MFSD2A: variants seen among roughly 807,000 people sequenced by gnomAD.
The protein encoded by MFSD2A is MFSD2 lysolipid transporter A, lysophospholipid.
MFSD2A carries 27 observed loss-of-function variants against 64.7 expected under a neutral mutation model. The observed-to-expected ratio is 0.42, with a 90% CI of 0.31 to 0.58. MFSD2A has a LOEUF of 0.58. Ranked by LOEUF, MFSD2A falls within the 20% of genes least tolerant of loss-of-function variation. MFSD2A has a pLI of 0.18. For missense variants in MFSD2A, 474 were observed against 679.5 expected (o/e 0.70, Z 3.36); for synonymous variants, 258 against 273.4 (o/e 0.94, Z 0.55).
At chr1:39,962,622 C>A (rs750105556) in intron 3 of MFSD2A, 3 of 823,906 alleles carry the variant, frequency 3.6e-6, no homozygotes, top group Non-Finnish European at 6.0e-6. Flanking sequence ...TGGTGCCTTC[C>A]GCGGAGGTTT....
chr1:39,956,940 AAAAAAG>A, intron 1 of MFSD2A, 141 bp from the exon 2 acceptor site: 2 of 699,468 alleles, frequency 2.9e-6, no homozygotes, highest in Admixed American at 2.8e-5. Context: ...AAAAAAAAAA[AAAAAAG>A]GTGGGATCTC....
In MFSD2A at chr1:39,965,741, C is replaced by T; in HGVS notation, c.557-116C>T. 1 of 1,383,918 alleles carries T rather than the reference C, an allele frequency of 7.2e-7. No individual in the cohort carries two copies. The highest frequency in any genetic ancestry group is 1.3e-5 in the South Asian group (1 of 77,054). The allele number at this position is 1,383,918 out of a possible 1,614,324, so 85.7% of individuals were successfully genotyped here. A position where few individuals can be genotyped will look rare whatever the true frequency, so the allele number is the denominator to read the frequency against. The stretch of plus-strand genomic sequence containing the variant: ...CGTTCAAACCAAGGTGTCACCTACC[C>T]CACTACCTCTACCCACCCTGCCTGG... On this transcript the variant is annotated intron_variant, in intron 5 of 13. Coordinates refer to ENST00000372811, the MANE Select transcript of MFSD2A (RefSeq NM_032793.5). This position sits in a 1 kb window ranked among gnomAD's most constrained non-coding sequence, Gnocchi z 5.5.
At position 39,968,592 on chromosome 1, in the gene MFSD2A, G is replaced by T. The variant is rs751030147; in HGVS notation, c.1376G>T (p.Gly459Val). 1 of 1,614,196 alleles carries T rather than the reference G, an allele frequency of 6.2e-7. No homozygotes were observed. Among genetic ancestry groups the T allele is most frequent in the Non-Finnish European group, 8.5e-7 (1 of 1,180,032 alleles). ...SLDFAGYQTRGCSQPERVKFT... is the reference protein window; with the variant it reads ...SLDFAGYQTRVCSQPERVKFT... ...AGCTTTGCAGGGTACCAGACCCGTG[G>T]CTGCTCGCAGCCGGAACGTGTCAAG... is the stretch of plus-strand genomic sequence containing the variant. The change falls in exon 13 of 14, where the codon GGC becomes GTC. Residue 459 changes from glycine to valine, a missense_variant. Transcript: ENST00000372811. This position sits in a 1 kb window ranked among gnomAD's most constrained non-coding sequence, Gnocchi z 4.4.
In MFSD2A at chr1:39,964,598, AC is replaced by A; in HGVS notation, c.354-612del. ...GCCCACCTGGGCCTTCAACTCCTTC[AC>A]TTGGAGCTGGCCTCTCCCCATCATG... On this transcript the variant is annotated intron_variant, in intron 3 of 13. Coordinates refer to ENST00000372811, the MANE Select transcript of MFSD2A (RefSeq NM_032793.5). This position sits in a 1 kb window ranked among gnomAD's most constrained non-coding sequence, Gnocchi z 4.1. The A allele has an allele frequency of 6.5e-6, 1 of 152,868 alleles. No homozygotes were observed. The allele number at this position is 152,868 out of a possible 1,614,324, so 9.5% of individuals were successfully genotyped here.
In MFSD2A at chr1:39,965,865, G is replaced by A. The variant is rs1006494719; in HGVS notation, c.565G>A (p.Val189Met). ...RDSATAYRMT[V>M]EVLGTVLGTA... is the part of the protein sequence containing the mutation. ...TCCTTTTCTCCTGCCAGGGATGACT[G>A]TGGAAGTGCTGGGCACAGTGCTGGG... The change falls in exon 6 of 14, where the codon GTG (valine) becomes ATG (methionine). Residue 189 changes from valine (V) to methionine (M), a missense_variant. Coordinates refer to ENST00000372811, the MANE Select transcript of MFSD2A (RefSeq NM_032793.5). This position sits in a 1 kb window ranked among gnomAD's most constrained non-coding sequence, Gnocchi z 5.5. 6 of 1,613,932 alleles carry A rather than the reference G, an allele frequency of 3.7e-6. No individual in the cohort carries two copies. The highest frequency in any genetic ancestry group is 1.7e-5 in the Admixed American group (1 of 60,010).
chr1:39,960,606 G>A lies in MFSD2A; in HGVS notation c.353+1781G>A, dbSNP rs999810895. On this transcript the variant is annotated intron_variant, in intron 3 of 13. Transcript: ENST00000372811. This position sits in a 1 kb window ranked among gnomAD's most constrained non-coding sequence, Gnocchi z 4.8. ...GAGGCCCAGCCAATGGGAGGCAGCC[G>A]CTCCCAGGGATGGTGGCTGCAGGCC... is the stretch of plus-strand genomic sequence containing the variant. Among the ~76,000 whole-genome samples the A allele has an allele frequency of 3.0e-4, 46 of 152,248 alleles. No homozygotes were observed. The highest frequency in any genetic ancestry group is 1.1e-3 in the African/African-American group (44 of 41,474).
chr1:39,967,378 C>A, intron 9 of MFSD2A: 2 of 630,658 alleles, frequency 3.2e-6, no homozygotes, highest in Non-Finnish European at 5.6e-6. Flanking sequence ...GTGAGCACAG[C>A]AAAAGCAAGG....
rs1645204430 is a variant in MFSD2A at position 39,968,174 on chromosome 1, C to G, written c.1209-160C>G. 2 of 863,966 alleles carry G rather than the reference C, an allele frequency of 2.3e-6. No individual in the cohort carries two copies. Among genetic ancestry groups the G allele is most frequent in the South Asian group, 1.8e-5 (1 of 57,050 alleles). 53.5% of individuals were successfully genotyped at this position (863,966 alleles called of 1,614,324 possible). A position where few individuals can be genotyped will look rare whatever the true frequency, so the allele number is the denominator to read the frequency against. ...GAGCACCTCCAGGCAGGGTTACTTCCTCTTAGAGCAAGAGGCCTTTTCTTA... is the reference window on the plus strand; with the variant it reads ...GAGCACCTCCAGGCAGGGTTACTTCGTCTTAGAGCAAGAGGCCTTTTCTTA... On this transcript the variant is annotated intron_variant, in intron 11 of 13. Transcript: ENST00000372811. This position sits in a 1 kb window ranked among gnomAD's most constrained non-coding sequence, Gnocchi z 4.4.
Position 39,969,500 on chromosome 1 carries a change from T to TGCA in MFSD2A, c.1530-3_1530-1dup, listed in dbSNP as rs781616993. 6.3e-7 allele frequency: 1 copy of TGCA among 1,597,854 alleles called. No homozygotes were observed. The highest frequency in any genetic ancestry group is 8.5e-7 in the Non-Finnish European group (1 of 1,173,326). On this transcript the variant is annotated splice_region_variant and splice_polypyrimidine_tract_variant and intron_variant, in intron 13 of 13. Transcript: ENST00000372811. ...CCTCCAACCCATCTCCTCTCTCTCT[T>TGCA]GCAGGGACGAGGCCAGCAGCTCTGG...
At position 39,965,842 on chromosome 1, in the gene MFSD2A, C is replaced by T; in HGVS notation, c.557-15C>T. On this transcript the variant is annotated splice_polypyrimidine_tract_variant and intron_variant, in intron 5 of 13. Transcript: ENST00000372811. This position sits in a 1 kb window ranked among gnomAD's most constrained non-coding sequence, Gnocchi z 5.5. ...CCATGAGGCCCCTCCAAAACACCTC[C>T]TTTTCTCCTGCCAGGGATGACTGTG... is the stretch of plus-strand genomic sequence containing the variant. 1.9e-6 allele frequency: 3 copies of T among 1,613,226 alleles called. No homozygotes were observed. The highest frequency in any genetic ancestry group is 2.5e-6 in the Non-Finnish European group (3 of 1,179,878).
chr1:39,968,808 G>A lies in MFSD2A; in HGVS notation c.1529+63G>A, dbSNP rs1162563363. On this transcript the variant is annotated intron_variant, in intron 13 of 13. Coordinates refer to ENST00000372811, the MANE Select transcript of MFSD2A (RefSeq NM_032793.5). The surrounding 1 kb of genome is among the most constrained non-coding windows in gnomAD (Gnocchi z 4.4). ...GTCACTGTGTCTAAACCCTCAATTTGTGTCTCCTGTGGCCAAGTCCAGACT... is the reference window on the plus strand; with the variant it reads ...GTCACTGTGTCTAAACCCTCAATTTATGTCTCCTGTGGCCAAGTCCAGACT... The A allele has an allele frequency of 1.3e-5, 20 of 1,579,270 alleles. No individual in the cohort carries two copies. The highest frequency in any genetic ancestry group is 9.0e-5 in the East Asian group (4 of 44,602).
chr1:39,957,069 T>G lies in MFSD2A; in HGVS notation c.94-18T>G. 1.2e-6 allele frequency: 2 copies of G among 1,613,852 alleles called. No homozygotes were observed. The highest frequency in any genetic ancestry group is 1.7e-6 in the Non-Finnish European group (2 of 1,179,880). ...AGGCCAGAACCTTGGGCCTTTCATCTTTTCCTCCTCTTCCCAGAAAGAACC... is the reference window on the plus strand; with the variant it reads ...AGGCCAGAACCTTGGGCCTTTCATCGTTTCCTCCTCTTCCCAGAAAGAACC... On this transcript the variant is annotated intron_variant, in intron 1 of 13. Coordinates refer to ENST00000372811, the MANE Select transcript of MFSD2A (RefSeq NM_032793.5).
chr1:39,967,097 G>A lies in MFSD2A; in HGVS notation c.939G>A (p.Gly313=), dbSNP rs1164449405. ...FTSLAFMLVE[G]NFVLFCTYTL... is the part of the protein sequence containing the mutation. ...TGCTCCATGCCCAGCTGGTGGAGGG[G>A]AACTTTGTCTTGTTTTGCACCTACA... is the stretch of plus-strand genomic sequence containing the variant. The change falls in exon 9 of 14, where the codon GGG becomes GGA. Residue 313 remains glycine (G), a synonymous_variant. Coordinates refer to ENST00000372811, the MANE Select transcript of MFSD2A (RefSeq NM_032793.5). 2.5e-6 allele frequency: 4 copies of A among 1,613,864 alleles called. No individual in the cohort carries two copies. The highest frequency in any genetic ancestry group is 3.4e-6 in the Non-Finnish European group (4 of 1,179,966).
rs373737130 is a variant in MFSD2A, at chr1:39,966,582, C to T, written c.715-19C>T. On this transcript the variant is annotated intron_variant, in intron 6 of 13. Transcript: ENST00000372811. ...GCTCAAACTGACCATCCTTGTATGT[C>T]GCCTTCACCTCCTTATAGCAAAAGG... is the stretch of plus-strand genomic sequence containing the variant. The T allele has an allele frequency of 5.0e-5, 80 of 1,595,816 alleles. No homozygotes were observed. Among genetic ancestry groups the T allele is most frequent in the East Asian group, 2.5e-4 (11 of 44,780 alleles).
intron 13 of MFSD2A, 92 bp from the exon 14 acceptor site, chr1:39,969,413 A>G: frequency 9.0e-7 from 1 of 1,117,082 alleles, no homozygotes; most frequent in Non-Finnish European, 1.3e-6. Flanking sequence ...GTCCGACAGC[A>G]GGGCCAAGAT....
In MFSD2A at chr1:39,966,711, G is replaced by C; in HGVS notation, c.805+20G>C. On this transcript the variant is annotated intron_variant, in intron 7 of 13. Transcript: ENST00000372811. ...AGAGAGGTAAGGGGGTGCCTGGGAA[G>C]GGGTGCAGGCCTCAGCATGGACAGC... The C allele has an allele frequency of 6.2e-7, 1 of 1,613,524 alleles. No individual in the cohort carries two copies. Among genetic ancestry groups the C allele is most frequent in the African/African-American group, 1.3e-5 (1 of 75,046 alleles).
Position 39,964,325 on chromosome 1 carries a change from C to T in MFSD2A, c.354-886C>T, listed in dbSNP as rs921025748. 4.6e-5 allele frequency: 7 copies of T among 152,192 alleles called. No individual in the cohort carries two copies. Among genetic ancestry groups the T allele is most frequent in the African/African-American group, 9.6e-5 (4 of 41,452 alleles). The allele number at this position is 152,192 out of a possible 1,614,324, so 9.4% of individuals were successfully genotyped here. On this transcript the variant is annotated intron_variant, in intron 3 of 13. Transcript: ENST00000372811. The surrounding 1 kb of genome is among the most constrained non-coding windows in gnomAD (Gnocchi z 4.1). ...TAGTTATCCTAAGTAATTAGAATAG[C>T]GCCCAGCCCATAGCTGGAACTTATG...
chr1:39,955,214 C>A lies in MFSD2A; in HGVS notation c.-79C>A, dbSNP rs570046978. ...GGCCGTGGCTAAGGCTGCTACGAAG[C>A]GAGCTTGGGAGGAGCAGCGGCCTGC... On this transcript the variant is annotated 5_prime_UTR_variant, in exon 1 of 14. Transcript: ENST00000372811. This position sits in a 1 kb window ranked among gnomAD's most constrained non-coding sequence, Gnocchi z 5.9. 10 of 1,210,678 alleles carry A rather than the reference C, an allele frequency of 8.3e-6. No homozygotes were observed. In the African/African-American group the frequency reaches 1.3e-4, roughly 15 times the overall value. 75.0% of individuals were successfully genotyped at this position (1,210,678 alleles called of 1,614,324 possible).
rs906212582 is a variant in MFSD2A at position 39,969,750 on chromosome 1, C to T, written c.*182C>T. 1.7e-6 allele frequency: 1 copy of T among 601,264 alleles called. No individual in the cohort carries two copies. Among genetic ancestry groups the T allele is most frequent in the East Asian group, 3.2e-5 (1 of 30,858 alleles). 37.2% of individuals were successfully genotyped at this position (601,264 alleles called of 1,614,324 possible). On this transcript the variant is annotated 3_prime_UTR_variant, in exon 14 of 14. Transcript: ENST00000372811. The stretch of plus-strand genomic sequence containing the variant: ...GGCTGCTCTGTGGCCTCCTGCCTCC[C>T]CTCTGCCTGCCTGTGGGGCCAAGCC...
Sources: allele counts gnomAD v4.1 joint callset (sites outside exome capture counted in the v4.1 genomes callset), GRCh38; gene constraint gnomAD v4.1.1; non-coding constraint Gnocchi (gnomAD v3.1); transcripts MANE v1.5; gene names NCBI Gene and HGNC (gene_info 2026-07-23, HGNC 2026-07-21).